Variants in SNAP29 observed in about 807,000 individuals in gnomAD.
The protein encoded by SNAP29 is synaptosomal-associated protein 29.
In SNAP29, 13 loss-of-function variants were observed where a neutral mutation model predicts 27.9. That is an observed-to-expected ratio of 0.47 (90% confidence interval 0.30 to 0.74). SNAP29 has a LOEUF of 0.74. SNAP29 is among the 30% of genes least tolerant of loss of function. The pLI is 0.06. For missense variants in SNAP29, 368 were observed against 336.5 expected, an observed-to-expected ratio of 1.09 and a Z score of -0.73; for synonymous variants, 119 against 127.1, an observed-to-expected ratio of 0.94 and a Z score of 0.43.
In SNAP29 at chr22:20,859,223, C is replaced by G; in HGVS notation, c.113C>G (p.Pro38Arg). Residue 38 changes from proline (P) to arginine (R), a missense_variant, in exon 1 of 5, where the codon CCC (proline) becomes CGC (arginine). Transcript: ENST00000215730. ...ARDLPDGPDA[P>R]ADRQQYLRQE... is the part of the protein sequence containing the mutation. Reference sequence around the variant, plus strand: ...GACCTCCCCGACGGGCCCGACGCGCCCGCGGACAGGCAGCAGTACTTGCGG... The same window carrying G: ...GACCTCCCCGACGGGCCCGACGCGCGCGCGGACAGGCAGCAGTACTTGCGG... 6.2e-7 allele frequency: 1 copy of G among 1,605,200 alleles called. No individual in the cohort carries two copies. The highest frequency in any genetic ancestry group is 8.5e-7 in the Non-Finnish European group (1 of 1,176,888).
rs369033557 is a variant in SNAP29, at chr22:20,859,328, T to C, written c.218T>C (p.Val73Ala). 6 of 1,613,122 alleles carry C rather than the reference T, an allele frequency of 3.7e-6. No homozygotes were observed. Among genetic ancestry groups the C allele is most frequent in the Admixed American group, 3.3e-5 (2 of 60,004 alleles). ...GCCCTCATGTACGAGTCCGAGAAGG[T>C]TGGGGTCGCCTCTTCCGAGGTGAGC... ...SLALMYESEK[V>A]GVASSEELAR... Residue 73 changes from valine to alanine, a missense_variant, in exon 1 of 5, where the codon GTT becomes GCT. By Grantham distance (64) the Val-to-Ala change is moderately conservative (BLOSUM62 0). Coordinates refer to ENST00000215730, the MANE Select transcript of SNAP29 (RefSeq NM_004782.4).
intron 2 of SNAP29, among the ~76,000 whole-genome samples, chr22:20,871,883 A>G (rs1928601061): frequency 1.3e-5 from 2 of 150,252 alleles, no homozygotes; most frequent in Admixed American, 1.3e-4. Flanking sequence ...CTCCGTCTCA[A>G]AAAAAAAAAA....
intron 2 of SNAP29, among the ~76,000 whole-genome samples, chr22:20,878,714 CTGATT>C (rs912981342): frequency 5.9e-5 from 9 of 152,188 alleles, no homozygotes; most frequent in Non-Finnish European, 1.2e-4. Flanking sequence ...GCGAGTAACC[CTGATT>C]CCCAGATTGG....
At chr22:20,887,648 C>A in intron 4 of SNAP29, 31 bp from the exon 5 acceptor site, 1 of 1,613,908 alleles carries the variant, frequency 6.2e-7, no homozygotes, top group Non-Finnish European at 8.5e-7. Flanking sequence ...ACTGTTTGCT[C>A]ATGCCTGCGT....
chr22:20,875,690 C>T (rs1928722867), intron 2 of SNAP29, among the ~76,000 whole-genome samples: 1 of 152,218 alleles, frequency 6.6e-6, no homozygotes. Flanking sequence ...CACAGTGGCT[C>T]ATGCCTGTTA....
In SNAP29 at chr22:20,867,278, G is replaced by A. The variant is rs913046887; in HGVS notation, c.238-3059G>A. On this transcript the variant is annotated intron_variant, in intron 1 of 4. Coordinates refer to ENST00000215730, the MANE Select transcript of SNAP29 (RefSeq NM_004782.4). The stretch of plus-strand genomic sequence containing the variant: ...ACTCCCCTAGCAGCCACCCAAGTCC[G>A]TTCAGGGACCTCATTCTCCCACGGG... 3.9e-5 allele frequency among the ~76,000 whole-genome samples: 6 copies of A among 151,974 alleles called. 1 individual carries two copies. Among genetic ancestry groups the A allele is most frequent in the Admixed American group, 2.0e-4 (3 of 15,258 alleles).
intron 3 of SNAP29, among the ~76,000 whole-genome samples, chr22:20,882,111 G>A (rs571755680): frequency 1.3e-5 from 2 of 151,948 alleles, no homozygotes; most frequent in South Asian, 2.1e-4. Context: ...TGCAAAAGGC[G>A]AGGAATTAGA....
intron 1 of SNAP29, among the ~76,000 whole-genome samples, chr22:20,864,765 G>A (rs529053404): frequency 3.3e-5 from 5 of 152,310 alleles, no homozygotes; most frequent in Admixed American, 6.5e-5. Context: ...CGTTATTGGC[G>A]CTCCCAAAAT....
intron 2 of SNAP29, among the ~76,000 whole-genome samples, chr22:20,879,835 T>A (rs1169408967): frequency 1.5e-5 from 2 of 132,826 alleles, no homozygotes; most frequent in African/African-American, 5.9e-5. Flanking sequence ...AGAGCGAGAC[T>A]CTGTCTGAAA....
At chr22:20,871,919 G>A (rs931217930) in intron 2 of SNAP29, among the ~76,000 whole-genome samples, 1 of 152,030 alleles carries the variant, frequency 6.6e-6, no homozygotes, top group Non-Finnish European at 1.5e-5. Context: ...GTAGACTTCA[G>A]TGTTACATGT....
At chr22:20,860,969 C>T (rs1928302196) in intron 1 of SNAP29, among the ~76,000 whole-genome samples, 1 of 151,978 alleles carries the variant, frequency 6.6e-6, no homozygotes, top group Non-Finnish European at 1.5e-5. Context: ...CCCAGGATGT[C>T]AAGGTTGCAG....
In SNAP29 at chr22:20,887,675, G is replaced by A. The variant is rs199538534; in HGVS notation, c.620-4G>A. Reference sequence around the variant, plus strand: ...TGCCTGCGTGTCATTTCCTCCTCCTGCAGATGAGCTGTCCATGGGACTGGG... The same window carrying A: ...TGCCTGCGTGTCATTTCCTCCTCCTACAGATGAGCTGTCCATGGGACTGGG... On this transcript the variant is annotated splice_polypyrimidine_tract_variant and splice_region_variant and intron_variant, in intron 4 of 4. Coordinates refer to ENST00000215730, the MANE Select transcript of SNAP29 (RefSeq NM_004782.4). The A allele has an allele frequency of 1.8e-4, 285 of 1,614,020 alleles. No individual in the cohort carries two copies. Among genetic ancestry groups the A allele is most frequent in the Non-Finnish European group, 2.2e-4 (257 of 1,180,020 alleles).
Position 20,859,365 on chromosome 22 carries a change from C to G in SNAP29, c.237+18C>G. ...CTTCCGAGGTGAGCCTGGGGCAGGG[C>G]TGGTGTGGACTCGCCGGTCTCTGTG... On this transcript the variant is annotated intron_variant, in intron 1 of 4. Coordinates refer to ENST00000215730, the MANE Select transcript of SNAP29 (RefSeq NM_004782.4). 1 of 1,506,014 alleles carries G rather than the reference C, an allele frequency of 6.6e-7. No homozygotes were observed. The highest frequency in any genetic ancestry group is 9.2e-7 in the Non-Finnish European group (1 of 1,081,230). 93.3% of individuals were successfully genotyped at this position (1,506,014 alleles called of 1,614,324 possible).
chr22:20,860,949 A>G (rs983159882), intron 1 of SNAP29, among the ~76,000 whole-genome samples: 1 of 150,956 alleles, frequency 6.6e-6, no homozygotes, highest in African/African-American at 2.4e-5. Flanking sequence ...AGGCAGGAGG[A>G]CCGCTTGAGC....
At chr22:20,863,995 T>C (rs893738545) in intron 1 of SNAP29, among the ~76,000 whole-genome samples, 6 of 152,252 alleles carry the variant, frequency 3.9e-5, no homozygotes, top group South Asian at 2.1e-4. Context: ...CTTCTATTTA[T>C]GCAGCCTGTC....
rs113405585 is a variant in SNAP29, at chr22:20,880,549, G to A, written c.435-500G>A. On this transcript the variant is annotated intron_variant, in intron 2 of 4. Coordinates refer to ENST00000215730, the MANE Select transcript of SNAP29 (RefSeq NM_004782.4). ...CGGGGAAACAGTACAAAAACAGGAG[G>A]TGAGCCAGATGTGATCAGCAGGTCA... Among the ~76,000 whole-genome samples, 241 of 152,156 alleles carry A rather than the reference G, an allele frequency of 1.6e-3. 1 individual carries two copies. Among genetic ancestry groups the A allele is most frequent in the African/African-American group, 5.6e-3 (233 of 41,512 alleles).
At chr22:20,859,395 C>CA (rs778033231) in intron 1 of SNAP29, 48 bp downstream of exon 1, 1 of 1,268,390 alleles carries the variant, frequency 7.9e-7, no homozygotes, top group Non-Finnish European at 1.2e-6. Context: ...TCTGTGCTGT[C>CA]AAACGGAGAC....
At chr22:20,871,872 A>G (rs1168207948) in intron 2 of SNAP29, among the ~76,000 whole-genome samples, 7 of 151,104 alleles carry the variant, frequency 4.6e-5, no homozygotes, top group Non-Finnish European at 7.4e-5. Flanking sequence ...ACAGAGCAAG[A>G]CTCCGTCTCA....
At chr22:20,861,118 G>GTTTTT (rs362237) in intron 1 of SNAP29, among the ~76,000 whole-genome samples, 4 of 121,814 alleles carry the variant, frequency 3.3e-5, no homozygotes, top group South Asian at 2.7e-4. Flanking sequence ...CCTCCCTGTG[G>GTTTTT]TTTTTTTTTT....
Sources: gnomAD v4.1 joint callset for allele counts (sites outside exome capture counted in the v4.1 genomes callset) on GRCh38, gnomAD v4.1.1 for gene constraint, MANE v1.5 for transcripts, NCBI Gene and HGNC (gene_info 2026-07-23, HGNC 2026-07-21) for gene names.